The following TBX22 variants were observed in gnomAD, a reference collection of about 807,000 sequenced individuals.
TBX22 encodes the protein T-box transcription factor TBX22.
In TBX22, 8 loss-of-function variants were observed where a neutral mutation model predicts 30.1. That is an observed-to-expected ratio of 0.27 (90% CI 0.16 to 0.48). The LOEUF (loss-of-function observed/expected upper bound fraction) is 0.48. Ranked by LOEUF, TBX22 falls within the 20% of genes least tolerant of loss-of-function variation. TBX22 has a pLI of 0.99. For synonymous variants in TBX22, 173 were observed against 149.1 expected, an observed-to-expected ratio of 1.16 and a Z score of -1.17; for missense variants, 463 against 400.5, an observed-to-expected ratio of 1.16 and a Z score of -1.33.
chrX:80,022,513 C>G, intron 2 of TBX22, 69 bp downstream of exon 2: 1 of 1,073,835 alleles, frequency 9.3e-7, no homozygotes. Context: ...GCCTGGCTCG[C>G]GTCCCGACGC....
intron 3 of TBX22, 31 bp downstream of exon 3, chrX:80,023,271 T>C: frequency 8.5e-7 from 1 of 1,183,232 alleles, no homozygotes. Context: ...TTCACAAGGG[T>C]CACACACATT....
chrX:80,024,665 G>A (rs1923888116), intron 4 of TBX22, among the ~76,000 whole-genome samples: 1 of 112,059 alleles, frequency 8.9e-6, no homozygotes, highest in African/African-American at 3.2e-5. Flanking sequence ...CCTGTGTCTA[G>A]GCCTGTCTTT....
At chrX:80,024,033 T>C (rs769665830) in intron 3 of TBX22, 30 bp from the exon 4 acceptor site, 2 of 1,182,479 alleles carry the variant, frequency 1.7e-6, no homozygotes, top group Non-Finnish European at 2.3e-6. Context: ...CTAAAAGCTC[T>C]TGGGTCAGTC....
intron 3 of TBX22, 56 bp from the exon 4 acceptor site, chrX:80,024,007 C>T (rs553629971): frequency 1.6e-5 from 18 of 1,104,902 alleles, no homozygotes; most frequent in Middle Eastern, 2.4e-4. Flanking sequence ...AGAAACACTC[C>T]CTCTTCCAAA....
intron 1 of TBX22, among the ~76,000 whole-genome samples, chrX:80,021,244 T>C (rs895831313): frequency 9.0e-6 from 1 of 111,618 alleles, no homozygotes; most frequent in Admixed American, 9.5e-5. Context: ...TTAGACTGTG[T>C]TTGCTGATTA....
At chrX:80,030,132 C>T (rs1448489015) in intron 8 of TBX22, among the ~76,000 whole-genome samples, 1 of 111,498 alleles carries the variant, frequency 9.0e-6, no homozygotes, top group Admixed American at 9.6e-5. Context: ...ATGCACAGTT[C>T]ACAATAGAGT....
At chrX:80,029,527 T>C (rs1012953947) in intron 8 of TBX22, among the ~76,000 whole-genome samples, 2 of 112,305 alleles carry the variant, frequency 1.8e-5, no homozygotes, top group African/African-American at 6.5e-5. Flanking sequence ...TTCATTGTTT[T>C]TGTATAAGAA....
chrX:80,021,480 C>T (rs1363138237), intron 1 of TBX22, among the ~76,000 whole-genome samples: 1 of 112,113 alleles, frequency 8.9e-6, no homozygotes, highest in African/African-American at 3.2e-5. Flanking sequence ...GTACTCCTTT[C>T]TGTTTCCCAG....
chrX:80,021,715 T>C (rs1205070719), intron 1 of TBX22, among the ~76,000 whole-genome samples: 1 of 112,206 alleles, frequency 8.9e-6, no homozygotes, highest in Non-Finnish European at 1.9e-5. Flanking sequence ...TCACTGTGTT[T>C]TTTATGCTTC....
Position 80,027,819 on chromosome X carries a change from G to A in TBX22, c.864-172G>A, listed in dbSNP as rs73241433. On this transcript the variant is annotated intron_variant, in intron 7 of 8. Transcript: ENST00000373296. ...CCACTCCTTTGCTACTCACTATTAAGACCTTGCTTATTTTAGAATTCTAGG... is the reference window on the plus strand; with the variant it reads ...CCACTCCTTTGCTACTCACTATTAAAACCTTGCTTATTTTAGAATTCTAGG... 9.4e-3 allele frequency among the ~76,000 whole-genome samples: 1,051 copies of A among 112,350 alleles called. 5 individuals are homozygous for A. Among genetic ancestry groups the A allele is most frequent in the Non-Finnish European group, 0.014 (736 of 53,283 alleles).
At chrX:80,019,894 T>C (rs1462712360) in intron 1 of TBX22, among the ~76,000 whole-genome samples, 1 of 111,686 alleles carries the variant, frequency 9.0e-6, no homozygotes, top group Admixed American at 9.6e-5. Context: ...ATGTAATAAA[T>C]ATTAAGAAAG....
chrX:80,020,655 C>T, intron 1 of TBX22, among the ~76,000 whole-genome samples: 1 of 111,348 alleles, frequency 9.0e-6, no homozygotes, highest in Non-Finnish European at 1.9e-5. Flanking sequence ...ACCCAGTTGC[C>T]TGAAGATCTC....
chrX:80,027,467 C>A, intron 7 of TBX22, 147 bp downstream of exon 7: 3 of 400,323 alleles, frequency 7.5e-6, no homozygotes, highest in Non-Finnish European at 1.3e-5. Context: ...CAACTTTCAC[C>A]TCCCTGGTTC....
In TBX22 at chrX:80,031,275, G is replaced by T; in HGVS notation, c.*164G>T. The T allele has an allele frequency of 1.2e-5, 6 of 508,156 alleles. No homozygotes were observed. Among genetic ancestry groups the T allele is most frequent in the Non-Finnish European group, 1.6e-5 (5 of 317,863 alleles). 41.9% of individuals were successfully genotyped at this position (508,156 alleles called of 1,213,427 possible). Reference sequence around the variant, plus strand: ...AAGTGCCTTATCAAATAATATTCATGAAGAGTTGTTTATAATGTCAAATGA... The same window carrying T: ...AAGTGCCTTATCAAATAATATTCATTAAGAGTTGTTTATAATGTCAAATGA... On this transcript the variant is annotated 3_prime_UTR_variant, in exon 9 of 9. Coordinates refer to ENST00000373296, the MANE Select transcript of TBX22 (RefSeq NM_001109878.2).
chrX:80,020,048 TA>T (rs892631884), intron 1 of TBX22, among the ~76,000 whole-genome samples: 13 of 109,897 alleles, frequency 1.2e-4, no homozygotes, highest in Middle Eastern at 4.3e-3. Flanking sequence ...AAAATCTATT[TA>T]AAAAAAAAGA....
At position 80,023,187 on chromosome X, in the gene TBX22, G is replaced by A; in HGVS notation, c.303G>A (p.Leu101=). ...DIQMELQGSE[L]WKRFHDIGTE... ...AAATGGAGCTTCAAGGATCTGAACT[G>A]TGGAAAAGATTCCATGACATCGGGA... Residue 101 remains leucine (L), a synonymous_variant, in exon 3 of 9, where the codon CTG becomes CTA. Coordinates refer to ENST00000373296, the MANE Select transcript of TBX22 (RefSeq NM_001109878.2). 8.3e-7 allele frequency: 1 copy of A among 1,211,988 alleles called. No individual in the cohort carries two copies. The highest frequency in any genetic ancestry group is 1.1e-6 in the Non-Finnish European group (1 of 895,473).
At chrX:80,016,140 A>T (rs1923424461) in intron 1 of TBX22, among the ~76,000 whole-genome samples, 1 of 112,525 alleles carries the variant, frequency 8.9e-6, no homozygotes, top group East Asian at 2.8e-4. Flanking sequence ...TTAAATACAG[A>T]TAATTATGAG....
chrX:80,018,292 T>C (rs758560048), intron 1 of TBX22, among the ~76,000 whole-genome samples: 1 of 112,334 alleles, frequency 8.9e-6, no homozygotes, highest in Admixed American at 9.5e-5. Context: ...TTACATTGCA[T>C]TGGTAAATAC....
rs1253016246 is a variant in TBX22, at chrX:80,023,057, C to A, written c.176-3C>A. On this transcript the variant is annotated splice_polypyrimidine_tract_variant and splice_region_variant and intron_variant, in intron 2 of 8. Coordinates refer to ENST00000373296, the MANE Select transcript of TBX22 (RefSeq NM_001109878.2). The stretch of plus-strand genomic sequence containing the variant: ...ACCCTGAGCGCCTTTCTGTGTCCAG[C>A]AGAAAAACAACCTAAGACAGAGCCC... The A allele has an allele frequency of 2.5e-6, 3 of 1,211,070 alleles. No individual in the cohort carries two copies.
Sources: allele counts gnomAD v4.1 joint callset (sites outside exome capture counted in the v4.1 genomes callset), GRCh38; gene constraint gnomAD v4.1.1; transcripts MANE v1.5; gene names NCBI Gene and HGNC (gene_info 2026-07-23, HGNC 2026-07-21).